Variants in RAI1 observed in about 807,000 individuals in gnomAD.
RAI1 encodes retinoic acid-induced protein 1.
In RAI1, 9 loss-of-function variants were observed where a neutral mutation model predicts 123.8. The ratio of observed to expected loss-of-function variants is 0.07; its 90% CI spans 0.04 to 0.13. The LOEUF is 0.13. Ranked by LOEUF, RAI1 falls within the 10% of genes least tolerant of loss-of-function variation. The probability of loss-of-function intolerance (pLI) is 1.00; values close to 1 mark genes in which losing one functional copy is unlikely to be tolerated. For missense variants in RAI1, 2,256 were observed against 2,545.8 expected, an observed-to-expected ratio of 0.89 and a Z score of 2.45; for synonymous variants, 1,231 against 1,127.3, an observed-to-expected ratio of 1.09 and a Z score of -1.84.
At chr17:17,703,359 G>A (rs894360940) in intron 1 of RAI1, among the ~76,000 whole-genome samples, 6 of 152,250 alleles carry the variant, frequency 3.9e-5, no homozygotes, top group East Asian at 1.9e-4. Context: ...GGAATAGAGC[G>A]TGTGAGGGTT....
intron 1 of RAI1, among the ~76,000 whole-genome samples, chr17:17,710,066 G>A (rs180870240): frequency 1.3e-5 from 2 of 152,158 alleles, no homozygotes; most frequent in East Asian, 1.9e-4. Context: ...TGCACCACTC[G>A]CCTAGCCCCG....
intron 1 of RAI1, among the ~76,000 whole-genome samples, chr17:17,690,470 A>G (rs1366408898): frequency 1.3e-5 from 2 of 151,826 alleles, no homozygotes; most frequent in East Asian, 3.9e-4. Flanking sequence ...CACCAGCCGG[A>G]GGCAGCAGGA....
At chr17:17,787,615 T>C (rs2031871923) in intron 2 of RAI1, among the ~76,000 whole-genome samples, 1 of 152,216 alleles carries the variant, frequency 6.6e-6, no homozygotes, top group Admixed American at 6.5e-5. Context: ...GTGGGACTGC[T>C]GGCCATCTGC....
chr17:17,690,871 G>A (rs1914813907), intron 1 of RAI1, among the ~76,000 whole-genome samples: 1 of 152,166 alleles, frequency 6.6e-6, no homozygotes, highest in African/African-American at 2.4e-5. Flanking sequence ...CTTGGGGTGG[G>A]CAGGGATGGG....
intron 2 of RAI1, among the ~76,000 whole-genome samples, chr17:17,781,645 C>T (rs969274850): frequency 6.6e-6 from 1 of 152,198 alleles, no homozygotes; most frequent in Non-Finnish European, 1.5e-5. Context: ...GACGGCAGCA[C>T]TAAACTGCCT....
At chr17:17,686,104 C>G (rs183989368) in intron 1 of RAI1, among the ~76,000 whole-genome samples, 2 of 152,268 alleles carry the variant, frequency 1.3e-5, no homozygotes. Flanking sequence ...CCTGAAAGCA[C>G]GTCTCCTTGC....
chr17:17,779,326 G>T, intron 2 of RAI1: 1 of 222,296 alleles, frequency 4.5e-6, no homozygotes, highest in South Asian at 6.6e-5. Context: ...GCTGGGGGCA[G>T]CGGGGCGGCC....
At position 17,810,205 on chromosome 17, in the gene RAI1, A is replaced by G. The variant is rs565680728; in HGVS notation, c.*224A>G. On this transcript the variant is annotated 3_prime_UTR_variant, in exon 6 of 6. Transcript: ENST00000353383. This position sits in a 1 kb window ranked among gnomAD's most constrained non-coding sequence, Gnocchi z 4.6. ...CGTTCCGGAGCCGCCTGCTCCCGGA[A>G]CCGGACGGCACAGGGCGTTCTTGCC... 2,129 of 638,926 alleles carry G rather than the reference A, an allele frequency of 3.3e-3. 13 individuals are homozygous for G. The highest frequency in any genetic ancestry group is 3.9e-3 in the Non-Finnish European group (1,517 of 385,658). The allele number at this position is 638,926 out of a possible 1,614,324, so 39.6% of individuals were successfully genotyped here.
chr17:17,760,182 G>A (rs1444496161), intron 2 of RAI1, among the ~76,000 whole-genome samples: 2 of 152,200 alleles, frequency 1.3e-5, no homozygotes, highest in Non-Finnish European at 2.9e-5. Context: ...CTGTGGCTGT[G>A]TGCTCGAGCA....
chr17:17,684,735 C>T (rs796824208), intron 1 of RAI1: 3 of 138,304 alleles, frequency 2.2e-5, no homozygotes, highest in Non-Finnish European at 4.6e-5. Flanking sequence ...TTACATATAC[C>T]AATCCATGCA....
At chr17:17,782,911 G>T (rs1486653397) in intron 2 of RAI1, among the ~76,000 whole-genome samples, 1 of 151,882 alleles carries the variant, frequency 6.6e-6, no homozygotes, top group Non-Finnish European at 1.5e-5. Flanking sequence ...GAGGCCGTAC[G>T]CCCCGCCCTG....
At chr17:17,699,640 G>T in intron 1 of RAI1, among the ~76,000 whole-genome samples, 3 of 138,578 alleles carry the variant, frequency 2.2e-5, no homozygotes, top group Admixed American at 7.1e-5. Flanking sequence ...GGGGGGGGGG[G>T]AATCAAATGA....
At position 17,767,846 on chromosome 17, in the gene RAI1, G is replaced by C. The variant is rs1336320147; in HGVS notation, c.-16-25087G>C. 2.0e-5 allele frequency among the ~76,000 whole-genome samples: 3 copies of C among 152,306 alleles called. No homozygotes were observed. In the East Asian group the frequency reaches 5.8e-4, roughly 29 times the overall value. On this transcript the variant is annotated intron_variant, in intron 2 of 5. Coordinates refer to ENST00000353383, the MANE Select transcript of RAI1 (RefSeq NM_030665.4). ...TGGGCCTGGTGATGTTTGTGGCAGG[G>C]TGGGCACAGGGCTGGCACTGCCACC...
chr17:17,735,846 T>G (rs1916416457), intron 2 of RAI1, among the ~76,000 whole-genome samples: 1 of 152,218 alleles, frequency 6.6e-6, no homozygotes, highest in Admixed American at 6.5e-5. Flanking sequence ...AGTTCTGAGG[T>G]GGCCCTATTT....
rs1045666904 is a variant in RAI1 at position 17,724,033 on chromosome 17, C to T, written c.-143C>T. The T allele has an allele frequency of 7.2e-6, 1 of 139,228 alleles. No individual in the cohort carries two copies. Among genetic ancestry groups the T allele is most frequent in the Non-Finnish European group, 1.6e-5 (1 of 64,010 alleles). The allele number at this position is 139,228 out of a possible 1,614,324, so 8.6% of individuals were successfully genotyped here. A position where few individuals can be genotyped will look rare whatever the true frequency, so the allele number is the denominator to read the frequency against. On this transcript the variant is annotated 5_prime_UTR_variant, in exon 2 of 6. Coordinates refer to ENST00000353383, the MANE Select transcript of RAI1 (RefSeq NM_030665.4). ...TCACATTTGTTTCTCCCAAGGATCT[C>T]ATCTGGCCACCGCGTTCTGGAAGAG...
chr17:17,758,963 T>C (rs1042259174), intron 2 of RAI1, among the ~76,000 whole-genome samples: 1 of 152,018 alleles, frequency 6.6e-6, no homozygotes, highest in African/African-American at 2.4e-5. Flanking sequence ...TGCAGGACCT[T>C]GAATGCAAGC....
At chr17:17,759,804 G>A (rs932919368) in intron 2 of RAI1, among the ~76,000 whole-genome samples, 4 of 152,198 alleles carry the variant, frequency 2.6e-5, no homozygotes, top group Admixed American at 2.0e-4. Flanking sequence ...GCTGAATGCA[G>A]AGCTGTGAAA....
intron 2 of RAI1, among the ~76,000 whole-genome samples, chr17:17,753,650 C>T (rs1227413582): frequency 6.6e-6 from 1 of 152,194 alleles, no homozygotes; most frequent in Non-Finnish European, 1.5e-5. Context: ...GCTCAGGCCA[C>T]CCTCAAATCA....
chr17:17,779,428 CCT>C (rs1202786482), intron 2 of RAI1: 1 of 158,376 alleles, frequency 6.3e-6, no homozygotes, highest in Non-Finnish European at 1.4e-5. Context: ...CCCACAGTTC[CCT>C]GTCTTGAAAC....
Sources: gnomAD v4.1 joint callset for allele counts (sites outside exome capture counted in the v4.1 genomes callset) on GRCh38, gnomAD v4.1.1 for gene constraint, Gnocchi (gnomAD v3.1) non-coding constraint, MANE v1.5 for transcripts, NCBI Gene and HGNC (gene_info 2026-07-23, HGNC 2026-07-21) for gene names.